ADAMTS16: variants seen among roughly 807,000 people sequenced by gnomAD.
ADAMTS16 encodes ADAM metallopeptidase with thrombospondin type 1 motif 16.
Under a neutral mutation model 145.8 loss-of-function variants are expected in ADAMTS16, and 94 were observed. The ratio of observed to expected loss-of-function variants is 0.64; its 90% CI spans 0.55 to 0.77. ADAMTS16 has a LOEUF of 0.77. Ranked by LOEUF, ADAMTS16 falls within the 30% of genes least tolerant of loss-of-function variation. ADAMTS16 has a pLI of 0.00. For synonymous variants in ADAMTS16, 659 were observed against 604.3 expected (o/e 1.09, Z -1.33); for missense variants, 1,585 against 1,591.5 (o/e 1.00, Z 0.07).
chr5:5,220,168 T>TTTG (rs1736553567), intron 10 of ADAMTS16, among the ~76,000 whole-genome samples: 1 of 147,678 alleles, frequency 6.8e-6, no homozygotes. Flanking sequence ...TTTTTTTTTT[T>TTTG]TTTTTTTTTG....
At chr5:5,222,358 C>G (rs1220106926) in intron 10 of ADAMTS16, among the ~76,000 whole-genome samples, 1 of 119,668 alleles carries the variant, frequency 8.4e-6, no homozygotes, top group Non-Finnish European at 1.8e-5. Context: ...GATGGATGGA[C>G]AAGTGAACAA....
intron 18 of ADAMTS16, among the ~76,000 whole-genome samples, chr5:5,282,035 A>AATG (rs1553997825): frequency 6.6e-6 from 1 of 151,808 alleles, no homozygotes; most frequent in Non-Finnish European, 1.5e-5. Flanking sequence ...TCAGAACAGT[A>AATG]GTATATGCTC....
chr5:5,308,068 C>T (rs111253979), intron 21 of ADAMTS16, among the ~76,000 whole-genome samples: 2,917 of 152,302 alleles, frequency 0.019, 42 homozygotes, highest in Non-Finnish European at 0.028. Flanking sequence ...CCTCCGCCTC[C>T]GGCCAGGGTT....
rs140614231 is a variant in ADAMTS16, at chr5:5,173,926, A to G, written c.502-8118A>G. Among the ~76,000 whole-genome samples the G allele has an allele frequency of 4.0e-3, 615 of 152,266 alleles. 1 individual carries two copies. The highest frequency in any genetic ancestry group is 0.014 in the African/African-American group (589 of 41,566). On this transcript the variant is annotated intron_variant, in intron 3 of 22. Coordinates refer to ENST00000274181, the MANE Select transcript of ADAMTS16 (RefSeq NM_139056.4). ...TATTTCTCAAAAAGTTGCTGTAGTT[A>G]TTATTTTTGATGGTTCATCTTTTAG...
chr5:5,281,691 GGAGTTGGCCACTGGGGATTGTA>G (rs1028230047), intron 18 of ADAMTS16, among the ~76,000 whole-genome samples: 10 of 151,750 alleles, frequency 6.6e-5, no homozygotes, highest in Non-Finnish European at 1.3e-4. Context: ...CAGAGACTGG[GGAGTTGGCCACTGGGGATTGTA>G]GAGTGAGAAA....
chr5:5,205,102 C>A (rs900328902), intron 9 of ADAMTS16, among the ~76,000 whole-genome samples: 5 of 147,402 alleles, frequency 3.4e-5, no homozygotes, highest in African/African-American at 7.5e-5. Context: ...TGTTTTTTTT[C>A]TTCTCTCTTG....
chr5:5,219,534 G>A (rs890074764), intron 10 of ADAMTS16, among the ~76,000 whole-genome samples: 3 of 152,332 alleles, frequency 2.0e-5, no homozygotes. Context: ...TTATTCGTTT[G>A]TATGGGACAG....
At chr5:5,220,140 T>C (rs1187787502) in intron 10 of ADAMTS16, among the ~76,000 whole-genome samples, 3 of 150,290 alleles carry the variant, frequency 2.0e-5, no homozygotes, top group Non-Finnish European at 4.4e-5. Flanking sequence ...ATAAGGAACA[T>C]AGTAAAATAA....
At chr5:5,169,236 C>T (rs1426214247) in intron 3 of ADAMTS16, among the ~76,000 whole-genome samples, 2 of 152,154 alleles carry the variant, frequency 1.3e-5, no homozygotes, top group Non-Finnish European at 2.9e-5. Flanking sequence ...TATCACTATG[C>T]TCCTTCTGGC....
intron 4 of ADAMTS16, among the ~76,000 whole-genome samples, chr5:5,184,780 T>C (rs999516892): frequency 6.6e-6 from 1 of 151,892 alleles, no homozygotes; most frequent in African/African-American, 2.4e-5. Flanking sequence ...CCGAGGCCCG[T>C]GAGATCACCA....
At chr5:5,172,721 T>A (rs576459846) in intron 3 of ADAMTS16, among the ~76,000 whole-genome samples, 4 of 146,918 alleles carry the variant, frequency 2.7e-5, no homozygotes, top group African/African-American at 9.7e-5. Flanking sequence ...TCTGCAACTA[T>A]TGGATAAAAT....
intron 11 of ADAMTS16, among the ~76,000 whole-genome samples, chr5:5,229,135 A>G (rs1736850685): frequency 6.6e-6 from 1 of 151,204 alleles, no homozygotes; most frequent in African/African-American, 2.4e-5. Flanking sequence ...CGTCTCTACT[A>G]AAAATACAAA....
At chr5:5,226,031 A>G (rs771763299) in intron 11 of ADAMTS16, among the ~76,000 whole-genome samples, 37 of 152,168 alleles carry the variant, frequency 2.4e-4, no homozygotes, top group Non-Finnish European at 5.0e-4. Context: ...GAGTCCACCC[A>G]TGGAGACACG....
intron 22 of ADAMTS16, 111 bp from the exon 23 acceptor site, chr5:5,318,912 C>A: frequency 1.3e-6 from 1 of 756,738 alleles, no homozygotes; most frequent in Non-Finnish European, 2.2e-6. Flanking sequence ...CTCTCTGCAG[C>A]AGCCGCAGAG....
intron 3 of ADAMTS16, among the ~76,000 whole-genome samples, chr5:5,164,531 T>C (rs1734815885): frequency 6.6e-6 from 1 of 152,188 alleles, no homozygotes; most frequent in Admixed American, 6.5e-5. Flanking sequence ...AAGGGCACTC[T>C]CTCTGAATGA....
intron 18 of ADAMTS16, among the ~76,000 whole-genome samples, chr5:5,276,937 A>G (rs1312921755): frequency 6.6e-6 from 1 of 152,182 alleles, no homozygotes; most frequent in Non-Finnish European, 1.5e-5. Flanking sequence ...TAGTGTCACG[A>G]TTTCTTTCAA....
chr5:5,200,087 GT>G, intron 8 of ADAMTS16, 44 bp from the exon 9 acceptor site: 1 of 1,538,266 alleles, frequency 6.5e-7, no homozygotes, highest in Non-Finnish European at 8.8e-7. Flanking sequence ...AATTTAAACT[GT>G]TTTTGTTCTG....
chr5:5,265,208 A>G (rs1738190805), intron 18 of ADAMTS16, among the ~76,000 whole-genome samples: 1 of 152,246 alleles, frequency 6.6e-6, no homozygotes, highest in Non-Finnish European at 1.5e-5. Context: ...AGACAAACAA[A>G]GCCAAACACT....
At chr5:5,297,401 G>A (rs867162557) in intron 18 of ADAMTS16, among the ~76,000 whole-genome samples, 2 of 152,234 alleles carry the variant, frequency 1.3e-5, no homozygotes, top group African/African-American at 2.4e-5. Context: ...CCAGAGTGCT[G>A]TTGCCAATTA....
Sources: gnomAD v4.1 joint callset for allele counts (sites outside exome capture counted in the v4.1 genomes callset) on GRCh38, gnomAD v4.1.1 for gene constraint, MANE v1.5 for transcripts, NCBI Gene and HGNC (gene_info 2026-07-23, HGNC 2026-07-21) for gene names.